The following CBFA2T2 variants were observed in gnomAD, a reference collection of about 807,000 sequenced individuals.
CBFA2T2 encodes the protein protein CBFA2T2.
Under a neutral mutation model 62.2 loss-of-function variants are expected in CBFA2T2, and 11 were observed. The ratio of observed to expected loss-of-function variants is 0.18; its 90% CI spans 0.11 to 0.29. The LOEUF (loss-of-function observed/expected upper bound fraction) is 0.29. Ranked by LOEUF, CBFA2T2 falls within the 10% of genes least tolerant of loss-of-function variation. The probability of loss-of-function intolerance (pLI) is 1.00; values close to 1 mark genes in which losing one functional copy is unlikely to be tolerated. For missense variants in CBFA2T2, 592 were observed against 774.1 expected (o/e 0.76, Z 2.79); for synonymous variants, 295 against 287.5 (o/e 1.03, Z -0.27).
At chr20:33,627,399 G>C (rs548368207) in intron 6 of CBFA2T2, among the ~76,000 whole-genome samples, 206 of 152,010 alleles carry the variant, frequency 1.4e-3, no homozygotes, top group Middle Eastern at 3.4e-3. Context: ...CCGTCAAGGG[G>C]GGGGAAAAAA....
chr20:33,541,293 A>AT (rs1410873438), intron 1 of CBFA2T2, among the ~76,000 whole-genome samples: 2 of 152,242 alleles, frequency 1.3e-5, no homozygotes, highest in African/African-American at 2.4e-5. Flanking sequence ...AGGTCAAGTG[A>AT]TTAGAAGCAG....
intron 1 of CBFA2T2, among the ~76,000 whole-genome samples, chr20:33,501,866 C>CT (rs1294071485): frequency 6.6e-6 from 1 of 151,974 alleles, no homozygotes; most frequent in Non-Finnish European, 1.5e-5. Context: ...TCTGGATCTC[C>CT]TGACCTCAGG....
At chr20:33,636,339 G>A (rs1328120407) in intron 8 of CBFA2T2, among the ~76,000 whole-genome samples, 1 of 151,570 alleles carries the variant, frequency 6.6e-6, no homozygotes, top group African/African-American at 2.4e-5. Context: ...CTTAAAAACC[G>A]ATGTTTATAG....
intron 1 of CBFA2T2, among the ~76,000 whole-genome samples, chr20:33,536,417 G>A (rs1050383488): frequency 6.6e-6 from 1 of 150,810 alleles, no homozygotes; most frequent in African/African-American, 2.4e-5. Flanking sequence ...GTGGCTGGCC[G>A]GGCGGGGGGC....
chr20:33,580,447 G>A (rs898051764), intron 1 of CBFA2T2, among the ~76,000 whole-genome samples: 1 of 152,194 alleles, frequency 6.6e-6, no homozygotes. Context: ...CTAAGAGGCC[G>A]AAATTGGCCT....
chr20:33,547,493 A>G (rs999016534), intron 1 of CBFA2T2, among the ~76,000 whole-genome samples: 1 of 152,172 alleles, frequency 6.6e-6, no homozygotes, highest in Non-Finnish European at 1.5e-5. Context: ...GCTTGAGTCT[A>G]GGAGTTTGAG....
intron 1 of CBFA2T2, among the ~76,000 whole-genome samples, chr20:33,493,350 A>G (rs1278373477): frequency 2.0e-5 from 3 of 152,192 alleles, no homozygotes; most frequent in African/African-American, 7.2e-5. Context: ...TGCTGGGATT[A>G]CAGGCATGAG....
At chr20:33,623,718 C>A in intron 5 of CBFA2T2, 1 of 683,018 alleles carries the variant, frequency 1.5e-6, no homozygotes, top group Non-Finnish European at 2.7e-6. Flanking sequence ...GCCACCATGC[C>A]CAGCCCAATG....
chr20:33,597,523 C>T (rs2014944080), intron 1 of CBFA2T2, among the ~76,000 whole-genome samples: 1 of 152,176 alleles, frequency 6.6e-6, no homozygotes, highest in Non-Finnish European at 1.5e-5. Flanking sequence ...ACCTCTGCCT[C>T]CTGCCAGATC....
intron 3 of CBFA2T2, among the ~76,000 whole-genome samples, chr20:33,612,127 C>T (rs1211042326): frequency 1.3e-5 from 2 of 152,154 alleles, no homozygotes; most frequent in East Asian, 3.8e-4. Context: ...TTCAGCTCCT[C>T]GTGCATATAA....
At chr20:33,640,284 TG>T in intron 9 of CBFA2T2, 56 bp from the exon 10 acceptor site, 1 of 1,501,056 alleles carries the variant, frequency 6.7e-7, no homozygotes, top group Non-Finnish European at 9.1e-7. Flanking sequence ...AGAATTGCCG[TG>T]GGATGGGAGG....
chr20:33,574,077 C>T, intron 1 of CBFA2T2: 6 of 1,501,348 alleles, frequency 4.0e-6, no homozygotes, highest in South Asian at 2.5e-5. Context: ...GCAAGAGCCA[C>T]CATACCAGTT....
intron 1 of CBFA2T2, among the ~76,000 whole-genome samples, chr20:33,556,606 AT>A (rs1007709809): frequency 1.3e-5 from 2 of 150,994 alleles, no homozygotes; most frequent in African/African-American, 4.9e-5. Flanking sequence ...CTAATTTTTA[AT>A]TTTTTTTTGT....
At chr20:33,564,673 G>A (rs981803040) in intron 1 of CBFA2T2, among the ~76,000 whole-genome samples, 2 of 151,664 alleles carry the variant, frequency 1.3e-5, no homozygotes, top group African/African-American at 4.9e-5. Context: ...TCACTCTTCC[G>A]GACTTCAGTG....
At chr20:33,628,872 C>T (rs1027874299) in intron 7 of CBFA2T2, among the ~76,000 whole-genome samples, 3 of 152,222 alleles carry the variant, frequency 2.0e-5, no homozygotes, top group African/African-American at 7.2e-5. Context: ...AGCTACTACT[C>T]CCTCAGCTGA....
chr20:33,575,560 C>T (rs2013781341), intron 1 of CBFA2T2, among the ~76,000 whole-genome samples: 2 of 151,872 alleles, frequency 1.3e-5, no homozygotes, highest in Non-Finnish European at 2.9e-5. Flanking sequence ...TACTGTATTG[C>T]AGTTAGTTAA....
intron 1 of CBFA2T2, among the ~76,000 whole-genome samples, chr20:33,603,935 A>C (rs1234303538): frequency 6.6e-6 from 1 of 152,174 alleles, no homozygotes. Context: ...TAAAATGCCT[A>C]CTTTGGAACA....
chr20:33,611,165 G>T lies in CBFA2T2; in HGVS notation c.250G>T (p.Gly84Cys). 6.2e-7 allele frequency: 1 copy of T among 1,614,130 alleles called. No individual in the cohort carries two copies. Among genetic ancestry groups the T allele is most frequent in the South Asian group, 1.1e-5 (1 of 91,080 alleles). ...ATCACCGCCACAGAGATTCAGCAAT[G>T]GTCCTGCCTCCTCCACATCATCTGC... ...APSPPQRFSN[G>C]PASSTSSALT... The change falls in exon 3 of 11, where the codon GGT becomes TGT. Residue 84 changes from glycine (G) to cysteine (C), a missense_variant. This residue lies in a region of CBFA2T2 where 449 missense variants were observed against 551.2 expected (regional missense o/e 0.81). Coordinates refer to ENST00000342704, the MANE Select transcript of CBFA2T2 (RefSeq NM_001032999.3).
At chr20:33,613,981 G>A (rs980426900) in intron 3 of CBFA2T2, among the ~76,000 whole-genome samples, 4 of 151,780 alleles carry the variant, frequency 2.6e-5, no homozygotes, top group African/African-American at 4.8e-5. Context: ...TCAGGAGATC[G>A]AGATCATCCT....
Sources: gnomAD v4.1 joint callset for allele counts (sites outside exome capture counted in the v4.1 genomes callset) on GRCh38, gnomAD v4.1.1 for gene constraint, gnomAD v4.1.1 regional missense constraint, MANE v1.5 for transcripts, NCBI Gene and HGNC (gene_info 2026-07-23, HGNC 2026-07-21) for gene names.